Variants in BAZ1A observed in about 807,000 individuals in gnomAD.
The protein encoded by BAZ1A is bromodomain adjacent to zinc finger domain protein 1A.
BAZ1A carries 50 observed loss-of-function variants against 185.2 expected under a neutral mutation model. That is an observed-to-expected ratio of 0.27 (90% CI 0.22 to 0.34). The LOEUF (loss-of-function observed/expected upper bound fraction) is 0.34, where lower values mean the gene tolerates loss of function less well. Ranked by LOEUF, BAZ1A falls within the 10% of genes least tolerant of loss-of-function variation. BAZ1A has a pLI of 1.00. For missense variants in BAZ1A, 1,356 were observed against 1,839.9 expected (o/e 0.74, Z 4.81); for synonymous variants, 571 against 615.6 (o/e 0.93, Z 1.07).
chr14:34,779,790 A>T (rs1162537566), intron 17 of BAZ1A, among the ~76,000 whole-genome samples: 1 of 152,232 alleles, frequency 6.6e-6, no homozygotes, highest in Non-Finnish European at 1.5e-5. Flanking sequence ...TCTAGCACAT[A>T]GGAGGCATCC....
At chr14:34,798,654 CAGAGA>C (rs1881337422) in intron 9 of BAZ1A, among the ~76,000 whole-genome samples, 1 of 152,122 alleles carries the variant, frequency 6.6e-6, no homozygotes, top group African/African-American at 2.4e-5. Flanking sequence ...CACTGGTCAT[CAGAGA>C]AATGCAAATC....
chr14:34,826,552 T>C (rs2042168239), intron 3 of BAZ1A, among the ~76,000 whole-genome samples: 1 of 152,182 alleles, frequency 6.6e-6, no homozygotes, highest in Non-Finnish European at 1.5e-5. Flanking sequence ...TAAATTTTGG[T>C]ATATTTTTGT....
chr14:34,856,710 T>C (rs2042684330), intron 3 of BAZ1A, among the ~76,000 whole-genome samples: 1 of 151,566 alleles, frequency 6.6e-6, no homozygotes, highest in South Asian at 2.1e-4. Flanking sequence ...ATGCAAAAAT[T>C]AGCTGGGTGT....
intron 14 of BAZ1A, among the ~76,000 whole-genome samples, chr14:34,784,807 C>T (rs1220268396): frequency 1.3e-5 from 2 of 150,512 alleles, no homozygotes; most frequent in South Asian, 2.1e-4. Flanking sequence ...CGTGAGCCAC[C>T]GCGCCTGGCC....
At chr14:34,798,294 A>T (rs1881318125) in intron 9 of BAZ1A, among the ~76,000 whole-genome samples, 1 of 152,234 alleles carries the variant, frequency 6.6e-6, no homozygotes, top group Non-Finnish European at 1.5e-5. Context: ...GACAGCAGAA[A>T]TTTCTACAGA....
At chr14:34,781,776 C>T (rs919036525) in intron 16 of BAZ1A, among the ~76,000 whole-genome samples, 6 of 152,196 alleles carry the variant, frequency 3.9e-5, no homozygotes, top group East Asian at 1.9e-4. Flanking sequence ...GGATTACAGG[C>T]GTGAGCCACC....
At position 34,795,689 on chromosome 14, in the gene BAZ1A, A is replaced by G. The variant is rs1301634438; in HGVS notation, c.1205T>C (p.Met402Thr). The G allele has an allele frequency of 1.2e-6, 2 of 1,611,964 alleles. No homozygotes were observed. Among genetic ancestry groups the G allele is most frequent in the East Asian group, 2.2e-5 (1 of 44,800 alleles). The change falls in exon 10 of 27, where the codon ATG becomes ACG. Residue 402 changes from methionine to threonine, a missense_variant. By Grantham distance (81) the Met-to-Thr change is moderately conservative (BLOSUM62 -1). This residue lies in a region of BAZ1A where 184 missense variants were observed against 355.1 expected (regional missense o/e 0.52). Coordinates refer to ENST00000360310, the MANE Select transcript of BAZ1A (RefSeq NM_013448.3). ...LKQWSKPRED[M>T]ECDDLKELPE... The stretch of plus-strand genomic sequence containing the variant: ...TTATACCTTAAGGTCATCACATTCC[A>G]TATCTTCTCTAGGTTTACTCCACTG...
intron 3 of BAZ1A, among the ~76,000 whole-genome samples, chr14:34,844,427 G>A (rs576640926): frequency 2.2e-4 from 33 of 151,966 alleles, no homozygotes; most frequent in Non-Finnish European, 4.6e-4. Context: ...AGTTAATATT[G>A]TTAAAATGTC....
chr14:34,822,293 C>CA (rs2042100898), intron 4 of BAZ1A, among the ~76,000 whole-genome samples: 2 of 151,514 alleles, frequency 1.3e-5, no homozygotes, highest in South Asian at 2.1e-4. Context: ...GACTCTGTCT[C>CA]AAAAAAACAA....
intron 14 of BAZ1A, among the ~76,000 whole-genome samples, chr14:34,784,757 A>C (rs1880320973): frequency 6.6e-6 from 1 of 151,822 alleles, no homozygotes; most frequent in Non-Finnish European, 1.5e-5. Context: ...TGACCTTCTG[A>C]TCTGCCCGCC....
intron 3 of BAZ1A, among the ~76,000 whole-genome samples, chr14:34,837,196 C>A (rs2042344239): frequency 6.6e-6 from 1 of 151,800 alleles, no homozygotes; most frequent in Non-Finnish European, 1.5e-5. Context: ...TCACTAGATT[C>A]TTACTGAAGA....
rs1478293563 is a variant in BAZ1A, at chr14:34,785,985, A to G, written c.1623T>C (p.Ser541=). Residue 541 remains serine, a synonymous_variant, in exon 14 of 27, where the codon AGT becomes AGC. Transcript: ENST00000360310. The part of the protein sequence containing the change: ...PQLHQGCSLK[S]LDLDSCTLSE... Reference sequence around the variant, plus strand: ...AAAGAGTGCAGCTATCAAGATCCAAACTTTTCAAACTGCAGCCTATAGTTG... The same window carrying G: ...AAAGAGTGCAGCTATCAAGATCCAAGCTTTTCAAACTGCAGCCTATAGTTG... 1.2e-6 allele frequency: 2 copies of G among 1,614,002 alleles called. No individual in the cohort carries two copies. Among genetic ancestry groups the G allele is most frequent in the South Asian group, 2.2e-5 (2 of 91,070 alleles).
intron 4 of BAZ1A, among the ~76,000 whole-genome samples, chr14:34,818,190 CG>C (rs2042034926): frequency 6.6e-6 from 1 of 152,144 alleles, no homozygotes; most frequent in African/African-American, 2.4e-5. Flanking sequence ...TGCTACAATA[CG>C]GATGAACCCT....
In BAZ1A at chr14:34,810,997, A is replaced by T; in HGVS notation, c.576T>A (p.Tyr192Ter). The T allele has an allele frequency of 6.2e-7, 1 of 1,609,526 alleles. No homozygotes were observed. The highest frequency in any genetic ancestry group is 8.5e-7 in the Non-Finnish European group (1 of 1,177,106). Residue 192 changes from tyrosine (Y) to a stop codon, truncating the protein, a stop_gained, in exon 5 of 27, where the codon TAT becomes TAA. Coordinates refer to ENST00000360310, the MANE Select transcript of BAZ1A (RefSeq NM_013448.3). LOFTEE classifies it high-confidence loss of function. The stretch of plus-strand genomic sequence containing the variant: ...ATTCTTTTTTAGTGGGTTGCACTTT[A>T]TACTTGAATAGTAAGGGATCAATTG... The part of the protein sequence containing the change: ...KDAIDPLLFK[Y>*]KVQPTKKELH...
In BAZ1A at chr14:34,784,293, G is replaced by A. The variant is rs553493796; in HGVS notation, c.1832-366C>T. ...TGAGGTTGGAGAATTGCTTGAACCC[G>A]GGAGGCGGAGGTTGCGTTGCGCCAA... On this transcript the variant is annotated intron_variant, in intron 14 of 26. Transcript: ENST00000360310. Among the ~76,000 whole-genome samples, 18 of 147,262 alleles carry A rather than the reference G, an allele frequency of 1.2e-4. No homozygotes were observed. In the South Asian group the frequency reaches 1.5e-3, roughly 12 times the overall value.
At chr14:34,787,688 A>C (rs575851713) in intron 12 of BAZ1A, among the ~76,000 whole-genome samples, 2 of 152,292 alleles carry the variant, frequency 1.3e-5, no homozygotes, top group African/African-American at 2.4e-5. Context: ...GTCTCAAAAA[A>C]ACAAAACAAA....
chr14:34,813,612 G>A (rs2041961029), intron 4 of BAZ1A, among the ~76,000 whole-genome samples: 1 of 151,964 alleles, frequency 6.6e-6, no homozygotes, highest in African/African-American at 2.4e-5. Flanking sequence ...TGAACTGGGA[G>A]GCAGAGGTTG....
chr14:34,764,813 C>T lies in BAZ1A; in HGVS notation c.3670G>A (p.Gly1224Ser). The T allele has an allele frequency of 1.9e-6, 3 of 1,613,506 alleles. No individual in the cohort carries two copies. Among genetic ancestry groups the T allele is most frequent in the Non-Finnish European group, 2.5e-6 (3 of 1,179,468 alleles). The change falls in exon 23 of 27, where the codon GGT becomes AGT. Residue 1224 changes from glycine to serine, a missense_variant. Transcript: ENST00000360310. The stretch of plus-strand genomic sequence containing the variant: ...TCGCCATCAACTTCATCATCCTCAC[C>T]TCCCATACTGTCTTCCACATCTTCA... Reference protein sequence around the residue: ...SDEDVEDSMGGEDDEVDGDEE... With the variant: ...SDEDVEDSMGSEDDEVDGDEE...
rs78597415 is a variant in BAZ1A, at chr14:34,825,521, A to G, written c.536+492T>C. 2.2e-3 allele frequency among the ~76,000 whole-genome samples: 328 copies of G among 151,206 alleles called. 1 individual carries two copies. Among genetic ancestry groups the G allele is most frequent in the Admixed American group, 4.4e-3 (66 of 15,142 alleles). ...AAATGACTGAATGAGGCTCTTCAAC[A>G]GCTGAGTAGCGTGAACTAGGAAAAT... On this transcript the variant is annotated intron_variant, in intron 4 of 26. Transcript: ENST00000360310.
Sources: allele counts gnomAD v4.1 joint callset (sites outside exome capture counted in the v4.1 genomes callset), GRCh38; gene constraint gnomAD v4.1.1; regional missense constraint gnomAD v4.1.1; transcripts MANE v1.5; gene names NCBI Gene and HGNC (gene_info 2026-07-23, HGNC 2026-07-21).